CYREN: variants seen among roughly 807,000 people sequenced by gnomAD.
The protein encoded by CYREN is cell cycle regulator of non-homologous end joining.
In CYREN, 7 loss-of-function variants were observed where a neutral mutation model predicts 9.7. That is an observed-to-expected ratio of 0.72 (90% CI 0.41 to 1.36). The LOEUF (loss-of-function observed/expected upper bound fraction) is 1.36. CYREN is among the 40% of genes most tolerant of loss of function. The probability of loss-of-function intolerance (pLI) is 0.01; values close to 1 mark genes in which losing one functional copy is unlikely to be tolerated. For missense variants in CYREN, 215 were observed against 198.1 expected, an observed-to-expected ratio of 1.09 and a Z score of -0.51; for synonymous variants, 76 against 77.9, an observed-to-expected ratio of 0.98 and a Z score of 0.13.
At chr7:135,150,318 TTCTC>T (rs1185304680) in intron 2 of CYREN, among the ~76,000 whole-genome samples, 2 of 152,198 alleles carry the variant, frequency 1.3e-5, no homozygotes, top group African/African-American at 4.8e-5. Context: ...TCCTGCCAGT[TTCTC>T]TCTCTCACTC....
intron 2 of CYREN, among the ~76,000 whole-genome samples, chr7:135,096,588 G>GATAGATAGATAGATAGATAC (rs1563260182): frequency 1.0e-4 from 12 of 120,216 alleles, no homozygotes; most frequent in East Asian, 2.0e-4. Context: ...TAGATACATA[G>GATAGATAGATAGATAGATAC]ATAGATAGAT....
intron 2 of CYREN, among the ~76,000 whole-genome samples, chr7:135,105,676 C>T (rs1192569829): frequency 1.1e-4 from 17 of 152,118 alleles, no homozygotes. Context: ...ATGCCTCCAG[C>T]TTTGTTCTTT....
Position 135,167,295 on chromosome 7 carries a change from G to C in CYREN, c.214-424C>G, listed in dbSNP as rs543563926. ...CTTTCAAGGCACCTGGTAAACTGTA[G>C]AATGCTGTGCAACTCTGAGGCACTG... On this transcript the variant is annotated intron_variant, in intron 3 of 3. Coordinates refer to ENST00000393114, the MANE Select transcript of CYREN (RefSeq NM_024033.4). 2.3e-5 allele frequency: 25 copies of C among 1,071,320 alleles called. No individual in the cohort carries two copies. The African/African-American group carries it at 4.0e-4, about 17-fold the overall frequency. The allele number at this position is 1,071,320 out of a possible 1,614,324, so 66.4% of individuals were successfully genotyped here. A position where few individuals can be genotyped will look rare whatever the true frequency, so the allele number is the denominator to read the frequency against.
intron 2 of CYREN, chr7:135,129,128 A>T: frequency 1.3e-6 from 2 of 1,534,898 alleles, no homozygotes; most frequent in Non-Finnish European, 1.8e-6. Context: ...AAGCAGAGTT[A>T]TTTGCCTATT....
chr7:135,166,118 G>A lies in CYREN; in HGVS notation c.*493C>T, dbSNP rs1436809766. 1 of 152,812 alleles carries A rather than the reference G, an allele frequency of 6.5e-6. No homozygotes were observed. Among genetic ancestry groups the A allele is most frequent in the African/African-American group, 2.4e-5 (1 of 41,460 alleles). 9.5% of individuals were successfully genotyped at this position (152,812 alleles called of 1,614,324 possible). On this transcript the variant is annotated 3_prime_UTR_variant, in exon 4 of 4. Coordinates refer to ENST00000393114, the MANE Select transcript of CYREN (RefSeq NM_024033.4). Reference sequence around the variant, plus strand: ...TGCTTTCTAGGCTGGCTGGAGAGGTGGGAGCTCATTGATAGACTCATGATG... The same window carrying A: ...TGCTTTCTAGGCTGGCTGGAGAGGTAGGAGCTCATTGATAGACTCATGATG...
At chr7:135,106,341 G>A (rs1416915701) in intron 2 of CYREN, among the ~76,000 whole-genome samples, 1 of 152,160 alleles carries the variant, frequency 6.6e-6, no homozygotes, top group Non-Finnish European at 1.5e-5. Context: ...TTTGCCCACA[G>A]TACGATGTTG....
At chr7:135,161,337 A>T (rs909047344), downstream of CYREN, among the ~76,000 whole-genome samples, 17 of 152,160 alleles carry the variant, frequency 1.1e-4, no homozygotes, top group African/African-American at 3.9e-4. This position sits in a 1 kb window ranked among gnomAD's most constrained non-coding sequence, Gnocchi z 4.1. Flanking sequence ...ACGTTTAATA[A>T]TTTTTTTTGG....
intron 2 of CYREN, among the ~76,000 whole-genome samples, chr7:135,127,167 T>C (rs954823739): frequency 1.3e-5 from 2 of 151,636 alleles, no homozygotes; most frequent in African/African-American, 4.8e-5. Context: ...TAAACATATT[T>C]ACAAGAAAAA....
At chr7:135,164,757 T>G, downstream of CYREN, 1 of 1,614,196 alleles carries the variant, frequency 6.2e-7, no homozygotes, top group Non-Finnish European at 8.5e-7. Context: ...CCTAGCCCAG[T>G]GCAACAGTGA....
intron 3 of CYREN, 44 bp downstream of exon 3, chr7:135,167,688 A>C (rs769177657): frequency 4.3e-6 from 7 of 1,611,678 alleles, no homozygotes; most frequent in Non-Finnish European, 5.9e-6. Flanking sequence ...GCCTCTGCCC[A>C]TGCAGAGTTT....
chr7:135,160,860 G>A (rs180930445), downstream of CYREN, among the ~76,000 whole-genome samples: 2 of 152,314 alleles, frequency 1.3e-5, no homozygotes, highest in Non-Finnish European at 1.5e-5. Context: ...CCAGAGTGTG[G>A]GCTGAAGGAG....
intron 2 of CYREN, chr7:135,115,292 G>A: frequency 1.2e-6 from 1 of 841,362 alleles, no homozygotes; most frequent in East Asian, 2.7e-5. Context: ...AGGAATTTTA[G>A]ATAAAATCCT....
intron 2 of CYREN, among the ~76,000 whole-genome samples, chr7:135,152,086 C>A (rs1829678075): frequency 6.6e-6 from 1 of 152,188 alleles, no homozygotes; most frequent in Admixed American, 6.5e-5. Flanking sequence ...TTCTAAATGC[C>A]ATGCACAAAT....
intron 2 of CYREN, chr7:135,168,569 C>G: frequency 1.6e-6 from 1 of 618,226 alleles, no homozygotes; most frequent in Non-Finnish European, 2.7e-6. Context: ...AGGGCACTCA[C>G]CAGTGCAGAG....
chr7:135,153,456 CAAAAAAAA>C (rs55776467), intron 2 of CYREN, among the ~76,000 whole-genome samples: 2 of 81,358 alleles, frequency 2.5e-5, no homozygotes, highest in African/African-American at 4.9e-5. Flanking sequence ...TCCATCTCCA[CAAAAAAAA>C]AAAAAAAAAA....
At chr7:135,116,706 C>T (rs114967018) in intron 2 of CYREN, among the ~76,000 whole-genome samples, 56 of 152,318 alleles carry the variant, frequency 3.7e-4, no homozygotes, top group African/African-American at 1.3e-3. Flanking sequence ...CCCCATTATA[C>T]CTCATAAGAG....
intron 2 of CYREN, among the ~76,000 whole-genome samples, chr7:135,150,541 C>T (rs1325723427): frequency 3.3e-5 from 5 of 152,140 alleles, no homozygotes; most frequent in African/African-American, 1.2e-4. Context: ...ATGCTGACCC[C>T]ACGAGTCGAA....
intron 2 of CYREN, among the ~76,000 whole-genome samples, chr7:135,100,360 G>T (rs561575386): frequency 6.6e-6 from 1 of 152,176 alleles, no homozygotes; most frequent in South Asian, 2.1e-4. Flanking sequence ...AAATATAACA[G>T]ACAAACTTTA....
chr7:135,158,189 G>A (rs1236669169), intron 2 of CYREN, among the ~76,000 whole-genome samples: 1 of 151,834 alleles, frequency 6.6e-6, no homozygotes, highest in South Asian at 2.1e-4. Context: ...GGTCCCTCCA[G>A]GCAGGCAGCA....
Sources: allele counts gnomAD v4.1 joint callset (sites outside exome capture counted in the v4.1 genomes callset), GRCh38; gene constraint gnomAD v4.1.1; non-coding constraint Gnocchi (gnomAD v3.1); transcripts MANE v1.5; gene names NCBI Gene and HGNC (gene_info 2026-07-23, HGNC 2026-07-21).